The following DNER variants were observed in gnomAD, a reference collection of about 807,000 sequenced individuals.
DNER encodes delta and Notch-like epidermal growth factor-related receptor.
Under a neutral mutation model 78.2 loss-of-function variants are expected in DNER, and 33 were observed. The observed-to-expected ratio is 0.42, with a 90% CI of 0.32 to 0.56. The LOEUF (loss-of-function observed/expected upper bound fraction) is 0.56, where lower values mean the gene tolerates loss of function less well. Ranked by LOEUF, DNER falls within the 20% of genes least tolerant of loss-of-function variation. DNER has a pLI of 0.11. For missense variants in DNER, 918 were observed against 975.3 expected (o/e 0.94, Z 0.78); for synonymous variants, 417 against 384.8 (o/e 1.08, Z -0.98).
chr2:229,538,088 C>A (rs1340590561), intron 5 of DNER, among the ~76,000 whole-genome samples: 1 of 152,136 alleles, frequency 6.6e-6, no homozygotes, highest in African/African-American at 2.4e-5. Flanking sequence ...CTGGGCTGCA[C>A]TTACTTTTAT....
intron 1 of DNER, among the ~76,000 whole-genome samples, chr2:229,661,265 C>A (rs966431440): frequency 6.6e-6 from 1 of 152,072 alleles, no homozygotes; most frequent in Non-Finnish European, 1.5e-5. Context: ...CAAGCACAAA[C>A]TGAAAAACTG....
chr2:229,427,049 A>G (rs1277900301), intron 8 of DNER, among the ~76,000 whole-genome samples: 2 of 152,252 alleles, frequency 1.3e-5, no homozygotes, highest in East Asian at 3.8e-4. Flanking sequence ...AGAAGACCCA[A>G]ATCAGTCAAT....
intron 7 of DNER, among the ~76,000 whole-genome samples, chr2:229,450,932 AG>A (rs1694441135): frequency 6.6e-6 from 1 of 152,232 alleles, no homozygotes; most frequent in African/African-American, 2.4e-5. Flanking sequence ...ATAAGGAGAC[AG>A]GGAAGCGATA....
At chr2:229,504,906 C>T (rs568759115) in intron 6 of DNER, among the ~76,000 whole-genome samples, 1 of 152,318 alleles carries the variant, frequency 6.6e-6, no homozygotes, top group South Asian at 2.1e-4. Flanking sequence ...TAGGGAATAA[C>T]AACTAAATTC....
rs1412350268 is a variant in DNER, at chr2:229,418,110, T to C, written c.1607A>G (p.Lys536Arg). 6.2e-7 allele frequency: 1 copy of C among 1,614,166 alleles called. No homozygotes were observed. The highest frequency in any genetic ancestry group is 1.7e-4 in the Middle Eastern group (1 of 6,058). The change falls in exon 9 of 13, where the codon AAA (lysine) becomes AGA (arginine). Residue 536 changes from lysine (K) to arginine (R), a missense_variant and splice_region_variant. By Grantham distance (26) the Lys-to-Arg change is conservative (BLOSUM62 2). Transcript: ENST00000341772. ...AGGAAGGCCAGGCGGCCTCTCACCT[T>C]TGTATTCTGCCAGGCACACACACTC... ...GYECVCLAEY[K>R]GTHCELYKDP...
intron 1 of DNER, among the ~76,000 whole-genome samples, chr2:229,686,290 G>C (rs764758783): frequency 6.6e-6 from 1 of 152,044 alleles, no homozygotes; most frequent in South Asian, 2.1e-4. Context: ...CTCCCAGCCC[G>C]CACTACCACC....
rs376238898 is a variant in DNER, at chr2:229,418,118, T to C, written c.1599A>G (p.Ala533=). The change falls in exon 9 of 13, where the codon GCA becomes GCG. Residue 533 remains alanine, a synonymous_variant. Coordinates refer to ENST00000341772, the MANE Select transcript of DNER (RefSeq NM_139072.4). The part of the protein sequence containing the change: ...LVNGYECVCL[A]EYKGTHCELY... ...CAGGCGGCCTCTCACCTTTGTATTC[T>C]GCCAGGCACACACACTCATAGCCAT... 5.0e-6 allele frequency: 8 copies of C among 1,614,200 alleles called. No homozygotes were observed. The highest frequency in any genetic ancestry group is 6.8e-6 in the Non-Finnish European group (8 of 1,179,996).
intron 4 of DNER, among the ~76,000 whole-genome samples, chr2:229,564,329 C>CCTT (rs1697051773): frequency 6.7e-6 from 1 of 149,514 alleles, no homozygotes; most frequent in Non-Finnish European, 1.5e-5. Flanking sequence ...TCATCTTCCT[C>CCTT]ACCCCATCAC....
At chr2:229,611,266 T>C (rs929383334) in intron 1 of DNER, among the ~76,000 whole-genome samples, 10 of 152,218 alleles carry the variant, frequency 6.6e-5, no homozygotes, top group African/African-American at 2.2e-4. Flanking sequence ...GTTGTTGGGA[T>C]CCAACTACTT....
chr2:229,617,455 C>T (rs1698185775), intron 1 of DNER, among the ~76,000 whole-genome samples: 1 of 152,050 alleles, frequency 6.6e-6, no homozygotes, highest in South Asian at 2.1e-4. Context: ...TACAACTGTT[C>T]TCAATAACTT....
chr2:229,398,355 T>C (rs73100214), intron 10 of DNER, among the ~76,000 whole-genome samples: 5,117 of 152,156 alleles, frequency 0.034, 135 homozygotes, highest in African/African-American at 0.073. Context: ...GACTTTAAAC[T>C]TTAAAACTCC....
rs1385137762 is a variant in DNER, at chr2:229,528,723, TCTAA to T, written c.994-15791_994-15788del. Among the ~76,000 whole-genome samples, 17 of 152,292 alleles carry T rather than the reference TCTAA, an allele frequency of 1.1e-4. No homozygotes were observed. In the East Asian group the frequency reaches 3.1e-3, roughly 28 times the overall value. On this transcript the variant is annotated intron_variant, in intron 5 of 12. Coordinates refer to ENST00000341772, the MANE Select transcript of DNER (RefSeq NM_139072.4). ...ATTTGCTGTCCCCATGAATTCTCTC[TCTAA>T]CTAGGAAACACAAATAAGGCCTTCC... is the stretch of plus-strand genomic sequence containing the variant.
rs143715369 is a variant in DNER, at chr2:229,591,468, C to G, written c.585+112G>C. On this transcript the variant is annotated intron_variant, in intron 2 of 12. Coordinates refer to ENST00000341772, the MANE Select transcript of DNER (RefSeq NM_139072.4). This position sits in a 1 kb window ranked among gnomAD's most constrained non-coding sequence, Gnocchi z 4.6. ...ATAAGTTTAGGGAGATATTTTGCTT[C>G]GTGATTTAACTTAAAATGCTTTCAT... is the stretch of plus-strand genomic sequence containing the variant. 0.01 allele frequency: 13,144 copies of G among 1,310,674 alleles called. 90 individuals are homozygous for G. The highest frequency in any genetic ancestry group is 0.019 in the Middle Eastern group (98 of 5,232). 81.2% of individuals were successfully genotyped at this position (1,310,674 alleles called of 1,614,324 possible). A position where few individuals can be genotyped will look rare whatever the true frequency, so the allele number is the denominator to read the frequency against.
At chr2:229,430,687 A>AATATATAT (rs58809747) in intron 8 of DNER, among the ~76,000 whole-genome samples, 7,810 of 144,430 alleles carry the variant, frequency 0.054, 278 homozygotes, top group East Asian at 0.13. Context: ...ATACTTAGTA[A>AATATATAT]ATATATATAT....
At chr2:229,520,525 T>G (rs942817581) in intron 5 of DNER, among the ~76,000 whole-genome samples, 2 of 152,208 alleles carry the variant, frequency 1.3e-5, no homozygotes, top group African/African-American at 4.8e-5. Context: ...GCTAATGAGT[T>G]GATAATGGTT....
At chr2:229,415,242 G>A (rs1022909431) in intron 9 of DNER, among the ~76,000 whole-genome samples, 23 of 152,094 alleles carry the variant, frequency 1.5e-4, no homozygotes, top group Admixed American at 1.5e-3. Flanking sequence ...AGCTTTCAAA[G>A]AGCAAGCTGT....
At chr2:229,530,339 G>A (rs912316955) in intron 5 of DNER, among the ~76,000 whole-genome samples, 8 of 152,164 alleles carry the variant, frequency 5.3e-5, no homozygotes, top group African/African-American at 1.2e-4. Flanking sequence ...TGAACTCTGG[G>A]CAACTCTGGG....
At chr2:229,410,283 ATAACTTATC>A (rs1382892216) in intron 9 of DNER, among the ~76,000 whole-genome samples, 1 of 152,204 alleles carries the variant, frequency 6.6e-6, no homozygotes, top group Non-Finnish European at 1.5e-5. Flanking sequence ...GTGCCAAATC[ATAACTTATC>A]TGCTCTCCTG....
chr2:229,509,964 C>G (rs193225989), intron 6 of DNER, among the ~76,000 whole-genome samples: 9 of 152,066 alleles, frequency 5.9e-5, no homozygotes, highest in African/African-American at 1.9e-4. Flanking sequence ...TATCTTGAAG[C>G]CTGCAGCCAA....
Sources: allele counts gnomAD v4.1 joint callset (sites outside exome capture counted in the v4.1 genomes callset), GRCh38; gene constraint gnomAD v4.1.1; non-coding constraint Gnocchi (gnomAD v3.1); transcripts MANE v1.5; gene names NCBI Gene and HGNC (gene_info 2026-07-23, HGNC 2026-07-21).